ACOXL: variants seen among roughly 807,000 people sequenced by gnomAD.
The protein encoded by ACOXL is acyl-CoA oxidase like, also known as acyl-coenzyme A oxidase-like protein.
Under a neutral mutation model 71.9 loss-of-function variants are expected in ACOXL, and 70 were observed. The observed-to-expected ratio is 0.97, with a 90% CI of 0.80 to 1.19. The LOEUF (loss-of-function observed/expected upper bound fraction) is 1.19. Ranked by LOEUF, ACOXL falls within the 50% of genes most tolerant of loss-of-function variation. The probability of loss-of-function intolerance (pLI) is 0.00; values close to 1 mark genes in which losing one functional copy is unlikely to be tolerated. For missense variants in ACOXL, 703 were observed against 736.3 expected, an observed-to-expected ratio of 0.95 and a Z score of 0.52; for synonymous variants, 253 against 281.6, an observed-to-expected ratio of 0.90 and a Z score of 1.02.
At chr2:110,821,598 A>C (rs1688609098) in intron 9 of ACOXL, among the ~76,000 whole-genome samples, 1 of 152,154 alleles carries the variant, frequency 6.6e-6, no homozygotes, top group Non-Finnish European at 1.5e-5. Context: ...AAAGTGTCCA[A>C]AGTCGAACTT....
chr2:111,030,085 T>C (rs556026994), intron 14 of ACOXL, among the ~76,000 whole-genome samples: 1 of 152,152 alleles, frequency 6.6e-6, no homozygotes, highest in Non-Finnish European at 1.5e-5. Context: ...TTGATTCTAT[T>C]TGGACACATG....
intron 1 of ACOXL, among the ~76,000 whole-genome samples, chr2:110,750,032 C>T (rs897115794): frequency 2.0e-5 from 3 of 152,168 alleles, no homozygotes; most frequent in African/African-American, 7.2e-5. Flanking sequence ...AGCATCACAT[C>T]GTATTAGTGA....
chr2:110,994,042 A>G (rs1287243290), intron 13 of ACOXL, among the ~76,000 whole-genome samples: 2 of 152,188 alleles, frequency 1.3e-5, no homozygotes, highest in African/African-American at 4.8e-5. Flanking sequence ...CCTACATGAC[A>G]TGTGACTCAC....
intron 10 of ACOXL, among the ~76,000 whole-genome samples, chr2:110,861,157 C>T (rs923160475): frequency 3.3e-5 from 5 of 152,154 alleles, no homozygotes; most frequent in African/African-American, 7.2e-5. Context: ...ACAATAACAA[C>T]GGTTTTATTT....
intron 2 of ACOXL, among the ~76,000 whole-genome samples, chr2:110,784,362 G>A (rs921668588): frequency 1.3e-5 from 2 of 152,174 alleles, no homozygotes; most frequent in Non-Finnish European, 2.9e-5. Flanking sequence ...GGAGGAGCTG[G>A]GCAGAACCGT....
At chr2:111,093,539 G>A (rs768995175) in intron 17 of ACOXL, 4 of 1,613,724 alleles carry the variant, frequency 2.5e-6, no homozygotes, top group Non-Finnish European at 3.4e-6. Flanking sequence ...CATGAAGGGA[G>A]CTCATATCCA....
chr2:110,840,262 C>G (rs1690998294), intron 9 of ACOXL, among the ~76,000 whole-genome samples: 2 of 152,014 alleles, frequency 1.3e-5, no homozygotes, highest in African/African-American at 2.4e-5. Context: ...GCATGTTTGA[C>G]CTGGTCATCA....
At chr2:110,790,736 C>T (rs914830277) in intron 3 of ACOXL, among the ~76,000 whole-genome samples, 2 of 152,106 alleles carry the variant, frequency 1.3e-5, no homozygotes, top group African/African-American at 2.4e-5. Context: ...GGACACTCTG[C>T]GACATTCCCA....
At chr2:111,090,526 A>G (rs984727341) in intron 16 of ACOXL, among the ~76,000 whole-genome samples, 3 of 152,190 alleles carry the variant, frequency 2.0e-5, no homozygotes, top group Admixed American at 1.3e-4. Context: ...GGAGGAAAGC[A>G]AAAGATTAAA....
At chr2:111,060,948 A>G (rs2066784752) in intron 16 of ACOXL, among the ~76,000 whole-genome samples, 1 of 152,200 alleles carries the variant, frequency 6.6e-6, no homozygotes, top group South Asian at 2.1e-4. Context: ...ACTGGAAGAT[A>G]CAATAGAAAT....
At chr2:111,098,044 C>A (rs1281007644) in intron 17 of ACOXL, among the ~76,000 whole-genome samples, 1 of 152,134 alleles carries the variant, frequency 6.6e-6, no homozygotes, top group Non-Finnish European at 1.5e-5. Flanking sequence ...AGGTACATAT[C>A]AAATGATTAA....
chr2:110,968,164 A>C, intron 12 of ACOXL: 3 of 1,229,932 alleles, frequency 2.4e-6, no homozygotes, highest in Non-Finnish European at 3.5e-6. Context: ...CAGGCTTCTC[A>C]ATAGGTTTGG....
chr2:110,861,163 T>C (rs1215950501), intron 10 of ACOXL, among the ~76,000 whole-genome samples: 1 of 152,174 alleles, frequency 6.6e-6, no homozygotes, highest in Non-Finnish European at 1.5e-5. Flanking sequence ...ACAACGGTTT[T>C]ATTTCAGTAT....
rs1419740417 is a variant in ACOXL at position 111,043,669 on chromosome 2, C to T, written c.1370-5549C>T. On this transcript the variant is annotated intron_variant, in intron 15 of 17. Transcript: ENST00000439055. ...TCTCAAGGAGAGGCTGGTGAGGAGA[C>T]GTGGGGCCCTCTACTTCTGGTGCCA... 5.3e-5 allele frequency among the ~76,000 whole-genome samples: 8 copies of T among 152,260 alleles called. No homozygotes were observed. In the East Asian group the frequency reaches 1.4e-3, roughly 26 times the overall value.
intron 12 of ACOXL, among the ~76,000 whole-genome samples, chr2:110,958,285 G>A (rs558560998): frequency 4.6e-5 from 7 of 152,278 alleles, no homozygotes; most frequent in African/African-American, 1.7e-4. Flanking sequence ...GAGACATAAG[G>A]GGTGAGAGCC....
chr2:110,735,948 C>A (rs1208552356), intron 1 of ACOXL, among the ~76,000 whole-genome samples: 2 of 152,010 alleles, frequency 1.3e-5, no homozygotes. Context: ...CTGAGAAAGC[C>A]CCCCCATAGG....
At chr2:111,027,631 T>A (rs58348664) in intron 14 of ACOXL, among the ~76,000 whole-genome samples, 41 of 152,316 alleles carry the variant, frequency 2.7e-4, no homozygotes, top group African/African-American at 9.6e-4. Flanking sequence ...CTTGTTTTTT[T>A]TATTGAATAA....
At chr2:110,879,653 T>TAG (rs1696373750) in intron 10 of ACOXL, among the ~76,000 whole-genome samples, 1 of 148,790 alleles carries the variant, frequency 6.7e-6, no homozygotes, top group Non-Finnish European at 1.5e-5. Context: ...TGTGGGAGGG[T>TAG]AGAACTTAAA....
At chr2:110,861,923 C>G (rs2148988125) in intron 10 of ACOXL, among the ~76,000 whole-genome samples, 1 of 152,250 alleles carries the variant, frequency 6.6e-6, no homozygotes, top group African/African-American at 2.4e-5. Flanking sequence ...TGTCGTGAGA[C>G]TGGGGGAGCT....
Sources: allele counts gnomAD v4.1 joint callset (sites outside exome capture counted in the v4.1 genomes callset), GRCh38; gene constraint gnomAD v4.1.1; transcripts MANE v1.5; gene names NCBI Gene and HGNC (gene_info 2026-07-23, HGNC 2026-07-21).